Variants in LRP1B observed in about 807,000 individuals in gnomAD.
LRP1B encodes the protein low-density lipoprotein receptor-related protein 1B.
A neutral mutation model predicts 556.6 loss-of-function variants in LRP1B; 217 were observed. The ratio of observed to expected loss-of-function variants is 0.39; its 90% confidence interval spans 0.35 to 0.44. LRP1B has a LOEUF of 0.44. Among genes scored for constraint, LRP1B ranks in the 20% least tolerant of loss-of-function variants. LRP1B has a pLI of 1.00. For synonymous variants in LRP1B, 2,047 were observed against 1,865.8 expected, an observed-to-expected ratio of 1.10 and a Z score of -2.50; for missense variants, 5,053 against 5,620.8, an observed-to-expected ratio of 0.90 and a Z score of 3.23.
At chr2:141,629,544 GA>G (rs1688831367) in intron 2 of LRP1B, among the ~76,000 whole-genome samples, 1 of 152,084 alleles carries the variant, frequency 6.6e-6, no homozygotes, top group African/African-American at 2.4e-5. Context: ...AATACATGTT[GA>G]ATACAATAAA....
chr2:141,779,567 C>T (rs1695180212), intron 2 of LRP1B, among the ~76,000 whole-genome samples: 1 of 151,912 alleles, frequency 6.6e-6, no homozygotes, highest in Non-Finnish European at 1.5e-5. Context: ...TAGGCGCCCA[C>T]CACCACGCCC....
intron 1 of LRP1B, among the ~76,000 whole-genome samples, chr2:142,118,254 A>T (rs1707342529): frequency 6.6e-6 from 1 of 152,106 alleles, no homozygotes; most frequent in Non-Finnish European, 1.5e-5. Flanking sequence ...TGGAGCCATT[A>T]CTGTTGTATT....
chr2:141,042,450 TA>T (rs1214896024), intron 11 of LRP1B, among the ~76,000 whole-genome samples: 1 of 152,136 alleles, frequency 6.6e-6, no homozygotes, highest in Non-Finnish European at 1.5e-5. Flanking sequence ...TTGATCTTAG[TA>T]ATAAACTGTA....
intron 41 of LRP1B, among the ~76,000 whole-genome samples, chr2:140,692,150 A>G (rs10164935): frequency 0.56 from 84,555 of 151,868 alleles, 25,183 homozygotes; most frequent in Middle Eastern, 0.74. Context: ...TGATTATATA[A>G]TTATCAAAAA....
chr2:141,050,368 T>C (rs569885295), intron 10 of LRP1B, among the ~76,000 whole-genome samples: 3 of 152,030 alleles, frequency 2.0e-5, no homozygotes, highest in Non-Finnish European at 4.4e-5. Flanking sequence ...TGGGTACATA[T>C]GCAGAGTGTG....
chr2:140,851,776 A>AT lies in LRP1B; in HGVS notation c.4586dup (p.Asn1529LysfsTer6). 1 of 1,600,732 alleles carries AT rather than the reference A, an allele frequency of 6.2e-7. No homozygotes were observed. Among genetic ancestry groups the AT allele is most frequent in the Non-Finnish European group, 8.5e-7 (1 of 1,176,322 alleles). The stretch of plus-strand genomic sequence containing the variant: ...CTTTGCCATCATTAGCTGCACAAGG[A>AT]TTGGGAGCTGTAATTACACAGTGAA... On this transcript the variant is annotated frameshift_variant, in exon 28 of 91. Transcript: ENST00000389484. LOFTEE classifies it high-confidence loss of function.
At chr2:141,702,642 A>T (rs1283135179) in intron 2 of LRP1B, among the ~76,000 whole-genome samples, 1 of 151,890 alleles carries the variant, frequency 6.6e-6, no homozygotes, top group Admixed American at 6.6e-5. Context: ...AAGGTTTTTG[A>T]ACTGTTTTGA....
chr2:142,058,074 A>G (rs1012315861), intron 1 of LRP1B, among the ~76,000 whole-genome samples: 3 of 152,184 alleles, frequency 2.0e-5, no homozygotes, highest in Non-Finnish European at 2.9e-5. Context: ...ATGAATATGT[A>G]CTTTTGCTTT....
In LRP1B at chr2:141,013,621, G is replaced by T. The variant is rs200252121; in HGVS notation, c.2315C>A (p.Thr772Lys). 1 of 1,612,326 alleles carries T rather than the reference G, an allele frequency of 6.2e-7. No individual in the cohort carries two copies. The highest frequency in any genetic ancestry group is 8.5e-7 in the Non-Finnish European group (1 of 1,179,018). Reference protein sequence around the residue: ...FQLDLITSEVTLLRHERPPLF... With the variant: ...FQLDLITSEVKLLRHERPPLF... ...GGGTGGTCTTTCATGCCTCAGCAAT[G>T]TCACCTCACTTGTTATCAAATCTAG... The change falls in exon 14 of 91, where the codon ACA (threonine) becomes AAA (lysine). Residue 772 changes from threonine to lysine, a missense_variant. By Grantham distance (78) the Thr-to-Lys change is moderately conservative (BLOSUM62 -1). Around this residue, in one of 5 missense-constraint regions of LRP1B, gnomAD observed 3,619 missense variants for 3,931.9 expected, o/e 0.92. Transcript: ENST00000389484.
chr2:141,877,210 A>G (rs979517461), intron 1 of LRP1B, among the ~76,000 whole-genome samples: 2 of 151,828 alleles, frequency 1.3e-5, no homozygotes, highest in African/African-American at 2.4e-5. Context: ...TTTTTTTCCT[A>G]TAAAGAATTT....
chr2:141,386,640 T>C (rs1689844014), intron 3 of LRP1B, among the ~76,000 whole-genome samples: 1 of 152,000 alleles, frequency 6.6e-6, no homozygotes, highest in Non-Finnish European at 1.5e-5. Context: ...AAATACGATA[T>C]ATTTAAAAAG....
At chr2:140,474,910 G>A (rs1188188007) in intron 60 of LRP1B, among the ~76,000 whole-genome samples, 3 of 151,526 alleles carry the variant, frequency 2.0e-5, no homozygotes, top group Non-Finnish European at 4.4e-5. Context: ...AATCTATTTA[G>A]AAAAATAGAT....
chr2:140,753,137 T>C (rs967076731), intron 35 of LRP1B, among the ~76,000 whole-genome samples: 1 of 152,224 alleles, frequency 6.6e-6, no homozygotes, highest in Non-Finnish European at 1.5e-5. Context: ...TTTTTAACTA[T>C]GATTTTGCAA....
In LRP1B at chr2:141,625,117, T is replaced by G. The variant is rs1688659811; in HGVS notation, c.206-144584A>C. Among the ~76,000 whole-genome samples the G allele has an allele frequency of 2.0e-5, 3 of 152,166 alleles. No homozygotes were observed. The South Asian group carries it at 6.2e-4, about 32-fold the overall frequency. On this transcript the variant is annotated intron_variant, in intron 2 of 90. Transcript: ENST00000389484. ...ATGTCTCCTCCTCCTAGTAGCAAATTTATTCTACAGTAATTAAAGGTAGAG... is the reference window on the plus strand; with the variant it reads ...ATGTCTCCTCCTCCTAGTAGCAAATGTATTCTACAGTAATTAAAGGTAGAG...
In LRP1B at chr2:140,721,809, G is replaced by A. The variant is rs181143375; in HGVS notation, c.5759-4993C>T. Among the ~76,000 whole-genome samples, 84 of 150,930 alleles carry A rather than the reference G, an allele frequency of 5.6e-4. No individual in the cohort carries two copies. The East Asian group carries it at 9.8e-3, about 18-fold the overall frequency. Reference sequence around the variant, plus strand: ...CCTGACCTCGTGATCCGTCCACCTCGGCTTTTGACATACCGCAGGAGACTT... The same window carrying A: ...CCTGACCTCGTGATCCGTCCACCTCAGCTTTTGACATACCGCAGGAGACTT... On this transcript the variant is annotated intron_variant, in intron 35 of 90. Coordinates refer to ENST00000389484, the MANE Select transcript of LRP1B (RefSeq NM_018557.3).
intron 32 of LRP1B, among the ~76,000 whole-genome samples, chr2:140,805,481 A>G (rs909413175): frequency 1.3e-5 from 2 of 152,162 alleles, no homozygotes; most frequent in Non-Finnish European, 2.9e-5. Context: ...TTCTAAGACA[A>G]ATTAAGCAGT....
intron 2 of LRP1B, among the ~76,000 whole-genome samples, chr2:141,790,230 T>C (rs1436542570): frequency 6.6e-6 from 1 of 151,964 alleles, no homozygotes; most frequent in Non-Finnish European, 1.5e-5. Flanking sequence ...CCAGTAGAGG[T>C]TCAGTTACTT....
intron 11 of LRP1B, among the ~76,000 whole-genome samples, chr2:141,031,171 G>A (rs938223198): frequency 1.3e-5 from 2 of 151,510 alleles, no homozygotes; most frequent in African/African-American, 4.8e-5. Context: ...ACAATTTTAA[G>A]TGCTGAGACC....
chr2:141,867,579 T>A (rs537702299), intron 1 of LRP1B, among the ~76,000 whole-genome samples: 2 of 152,252 alleles, frequency 1.3e-5, no homozygotes, highest in African/African-American at 4.8e-5. Context: ...TATGTCTTAT[T>A]CAGTATTAAA....
Sources: gnomAD v4.1 joint callset for allele counts (sites outside exome capture counted in the v4.1 genomes callset) on GRCh38, gnomAD v4.1.1 for gene constraint, gnomAD v4.1.1 regional missense constraint, MANE v1.5 for transcripts, NCBI Gene and HGNC (gene_info 2026-07-23, HGNC 2026-07-21) for gene names.